Variants in EPB41L2 observed in about 807,000 individuals in gnomAD.
EPB41L2 encodes the protein band 4.1-like protein 2.
In EPB41L2, 43 loss-of-function variants were observed where a neutral mutation model predicts 113.0. The observed-to-expected ratio is 0.38, with a 90% CI of 0.30 to 0.49. The LOEUF (loss-of-function observed/expected upper bound fraction) is 0.49. EPB41L2 is among the 20% of genes least tolerant of loss of function. The probability of loss-of-function intolerance (pLI) is 0.95; values close to 1 mark genes in which losing one functional copy is unlikely to be tolerated. For missense variants in EPB41L2, 1,147 were observed against 1,223.4 expected (o/e 0.94, Z 0.93); for synonymous variants, 442 against 436.7 (o/e 1.01, Z -0.15).
intron 3 of EPB41L2, among the ~76,000 whole-genome samples, chr6:130,945,211 G>GT (rs1812398874): frequency 6.6e-6 from 1 of 152,140 alleles, no homozygotes; most frequent in Admixed American, 6.5e-5. Flanking sequence ...AACTTAGTAA[G>GT]TGTCAGTACT....
intron 4 of EPB41L2, among the ~76,000 whole-genome samples, chr6:130,915,875 G>A (rs1211670192): frequency 6.6e-6 from 1 of 152,144 alleles, no homozygotes; most frequent in Admixed American, 6.5e-5. Flanking sequence ...CTTGCCTTCT[G>A]CCATGATTGT....
chr6:130,855,876 G>A (rs1442241211), intron 19 of EPB41L2, among the ~76,000 whole-genome samples: 1 of 152,034 alleles, frequency 6.6e-6, no homozygotes, highest in African/African-American at 2.4e-5. Context: ...ATCGGTGGTG[G>A]GGGGAGGGGG....
At chr6:131,057,526 G>A (rs1050168989) in intron 1 of EPB41L2, among the ~76,000 whole-genome samples, 39 of 152,306 alleles carry the variant, frequency 2.6e-4, no homozygotes, top group African/African-American at 9.1e-4. Context: ...GTAGAATGTA[G>A]GAAACTCTGA....
chr6:130,951,278 G>T (rs1428657108), intron 3 of EPB41L2, among the ~76,000 whole-genome samples: 2 of 130,670 alleles, frequency 1.5e-5, no homozygotes, highest in East Asian at 4.7e-4. Flanking sequence ...GGGAGGGGGG[G>T]AGGGGAGGAG....
intron 3 of EPB41L2, among the ~76,000 whole-genome samples, chr6:130,954,038 TTC>T (rs1562575108): frequency 6.9e-5 from 6 of 87,414 alleles, no homozygotes; most frequent in African/African-American, 2.4e-4. Flanking sequence ...GTCCTTTTCT[TTC>T]TTTTTTTTTT....
chr6:130,899,317 C>T (rs967592992), intron 8 of EPB41L2, among the ~76,000 whole-genome samples, 174 bp downstream of exon 8: 23 of 151,768 alleles, frequency 1.5e-4, no homozygotes, highest in African/African-American at 5.6e-4. Context: ...ATACATGGTC[C>T]CTCCCACAAC....
intron 13 of EPB41L2, among the ~76,000 whole-genome samples, chr6:130,879,544 A>C (rs557386954): frequency 6.6e-6 from 1 of 152,360 alleles, no homozygotes; most frequent in Admixed American, 6.5e-5. Context: ...AACATATTTT[A>C]CACTTTACAT....
intron 1 of EPB41L2, among the ~76,000 whole-genome samples, chr6:131,006,962 T>C (rs1584470401): frequency 6.6e-6 from 1 of 152,220 alleles, no homozygotes; most frequent in East Asian, 1.9e-4. Flanking sequence ...CCCAATCACA[T>C]CTTAACTCCT....
chr6:131,000,426 A>C (rs189285314), intron 1 of EPB41L2, among the ~76,000 whole-genome samples: 1 of 152,138 alleles, frequency 6.6e-6, no homozygotes, highest in East Asian at 1.9e-4. Flanking sequence ...AGGAAGAAAA[A>C]TACAAGCTGT....
At chr6:130,890,762 T>C (rs1030911714) in intron 10 of EPB41L2, among the ~76,000 whole-genome samples, 1 of 152,194 alleles carries the variant, frequency 6.6e-6, no homozygotes. Flanking sequence ...TTAGCTTAAA[T>C]CATTTATATA....
At chr6:130,859,015 T>C (rs1321133593) in intron 18 of EPB41L2, among the ~76,000 whole-genome samples, 1 of 152,232 alleles carries the variant, frequency 6.6e-6, no homozygotes, top group African/African-American at 2.4e-5. Context: ...CCCAGAGGGC[T>C]GACTCCAGTG....
intron 1 of EPB41L2, among the ~76,000 whole-genome samples, chr6:131,000,335 G>A (rs979478949): frequency 1.3e-5 from 2 of 152,076 alleles, no homozygotes; most frequent in Non-Finnish European, 2.9e-5. Context: ...TCACAACTGA[G>A]GCATAAAACA....
At chr6:130,945,205 TAGTA>T (rs1434854932) in intron 3 of EPB41L2, among the ~76,000 whole-genome samples, 2 of 152,204 alleles carry the variant, frequency 1.3e-5, no homozygotes, top group East Asian at 1.9e-4. Context: ...CTAGTAAACT[TAGTA>T]AGTGTCAGTA....
At chr6:130,886,201 T>C (rs749762991) in intron 11 of EPB41L2, among the ~76,000 whole-genome samples, 15 of 152,176 alleles carry the variant, frequency 9.9e-5, no homozygotes, top group Non-Finnish European at 2.1e-4. Flanking sequence ...CTGCAAGCTC[T>C]TGGAGGGCAG....
At chr6:131,052,174 C>A (rs1242861753) in intron 1 of EPB41L2, among the ~76,000 whole-genome samples, 2 of 152,074 alleles carry the variant, frequency 1.3e-5, no homozygotes, top group Non-Finnish European at 1.5e-5. Flanking sequence ...TGACCTCAGG[C>A]AATCCAACTG....
chr6:130,876,709 A>G (rs2128460125), intron 14 of EPB41L2: 3 of 1,304,250 alleles, frequency 2.3e-6, no homozygotes, highest in Middle Eastern at 2.1e-4. Flanking sequence ...TCAACTGTCC[A>G]TATTGTCGGC....
At chr6:131,046,078 A>ATTTTTTTTT in intron 1 of EPB41L2, among the ~76,000 whole-genome samples, 2 of 123,990 alleles carry the variant, frequency 1.6e-5, no homozygotes, top group Non-Finnish European at 3.4e-5. Context: ...TCCGAAGCTA[A>ATTTTTTTTT]TTTTTTTTTT....
At chr6:131,014,882 T>C (rs1291321624) in intron 1 of EPB41L2, among the ~76,000 whole-genome samples, 1 of 152,198 alleles carries the variant, frequency 6.6e-6, no homozygotes. Flanking sequence ...ATAAATCCTA[T>C]AGATTACACA....
intron 14 of EPB41L2, chr6:130,876,608 C>A: frequency 1.0e-6 from 1 of 992,530 alleles, no homozygotes; most frequent in Non-Finnish European, 1.4e-6. Flanking sequence ...AATCTTATGG[C>A]TGTGGATAGA....
Sources: gnomAD v4.1 joint callset for allele counts (sites outside exome capture counted in the v4.1 genomes callset) on GRCh38, gnomAD v4.1.1 for gene constraint, MANE v1.5 for transcripts, NCBI Gene and HGNC (gene_info 2026-07-23, HGNC 2026-07-21) for gene names.